The following AIG1 variants were observed in gnomAD, a reference collection of about 807,000 sequenced individuals.
The protein encoded by AIG1 is androgen-induced gene 1 protein.
In AIG1, 23 loss-of-function variants were observed where a neutral mutation model predicts 31.4. The ratio of observed to expected loss-of-function variants is 0.73; its 90% CI spans 0.53 to 1.04. The LOEUF is 1.04. Among genes scored for constraint, AIG1 ranks in the 50% least tolerant of loss-of-function variants. The pLI is 0.00. For missense variants in AIG1, 274 were observed against 295.0 expected (o/e 0.93, Z 0.52); for synonymous variants, 100 against 110.5 (o/e 0.90, Z 0.60).
At chr6:143,228,333 C>T (rs1416455858) in intron 3 of AIG1, among the ~76,000 whole-genome samples, 1 of 152,198 alleles carries the variant, frequency 6.6e-6, no homozygotes, top group Non-Finnish European at 1.5e-5. Flanking sequence ...AATGAAGCGC[C>T]CACCTCTGAC....
chr6:143,198,341 G>A (rs933869876), intron 3 of AIG1, among the ~76,000 whole-genome samples: 2 of 152,180 alleles, frequency 1.3e-5, no homozygotes, highest in East Asian at 3.8e-4. Context: ...TTTCCATGGC[G>A]TATGCTCAGT....
At chr6:143,137,053 A>G in intron 2 of AIG1, 63 bp downstream of exon 2, 1 of 1,311,558 alleles carries the variant, frequency 7.6e-7, no homozygotes, top group Non-Finnish European at 9.8e-7. Flanking sequence ...CAGACTTCTA[A>G]GAGAAAAAAA....
chr6:143,230,285 A>G (rs1000453957), intron 3 of AIG1, among the ~76,000 whole-genome samples: 3 of 151,952 alleles, frequency 2.0e-5, no homozygotes, highest in African/African-American at 7.2e-5. Flanking sequence ...ATGTGTTAGT[A>G]AAAATTTAAA....
intron 3 of AIG1, among the ~76,000 whole-genome samples, chr6:143,230,313 C>T (rs1793348314): frequency 6.6e-6 from 1 of 151,356 alleles, no homozygotes; most frequent in African/African-American, 2.4e-5. Context: ...TAAAGTAAAA[C>T]TATAACATGT....
At chr6:143,217,631 C>A (rs1209228817) in intron 3 of AIG1, among the ~76,000 whole-genome samples, 3 of 152,172 alleles carry the variant, frequency 2.0e-5, no homozygotes, top group African/African-American at 4.8e-5. Flanking sequence ...CCCTTAGCCT[C>A]CCAGGTAGCT....
At chr6:143,310,035 C>T (rs1775138307) in intron 4 of AIG1, among the ~76,000 whole-genome samples, 1 of 151,822 alleles carries the variant, frequency 6.6e-6, no homozygotes, top group African/African-American at 2.4e-5. Context: ...TAGGCATATC[C>T]ACTATTATAA....
intron 3 of AIG1, among the ~76,000 whole-genome samples, chr6:143,172,997 A>G (rs570393218): frequency 3.3e-5 from 5 of 150,828 alleles, no homozygotes; most frequent in South Asian, 2.1e-4. Context: ...CAATTTTTTT[A>G]TCTTTATAAA....
At chr6:143,082,488 C>A (rs1352197421) in intron 1 of AIG1, among the ~76,000 whole-genome samples, 1 of 152,180 alleles carries the variant, frequency 6.6e-6, no homozygotes, top group Non-Finnish European at 1.5e-5. Context: ...ACTGGTCCTT[C>A]AAGTAATAGA....
chr6:143,079,121 A>G (rs1028142306), intron 1 of AIG1, among the ~76,000 whole-genome samples: 2 of 152,038 alleles, frequency 1.3e-5, no homozygotes, highest in Non-Finnish European at 2.9e-5. Context: ...ACAAAACAAA[A>G]CGTATTTTCT....
chr6:143,165,125 A>G lies in AIG1; in HGVS notation c.341A>G (p.Glu114Gly). 2 of 1,613,606 alleles carry G rather than the reference A, an allele frequency of 1.2e-6. No individual in the cohort carries two copies. Among genetic ancestry groups the G allele is most frequent in the Non-Finnish European group, 1.7e-6 (2 of 1,179,632 alleles). Residue 114 changes from glutamate (E) to glycine (G), a missense_variant, in exon 3 of 6, where the codon GAG (glutamate) becomes GGG (glycine). Glu to Gly is a moderately conservative substitution (Grantham distance 98, BLOSUM62 -2). Transcript: ENST00000357847. ...VFWIIYAYDR[E>G]MIYPKLLDNF... Reference sequence around the variant, plus strand: ...TGGATCATTTATGCCTATGACAGAGAGATGATATACCCGAAGCTGCTGGAT... The same window carrying G: ...TGGATCATTTATGCCTATGACAGAGGGATGATATACCCGAAGCTGCTGGAT...
chr6:143,249,821 G>C (rs1386857769), intron 3 of AIG1, among the ~76,000 whole-genome samples: 2 of 152,134 alleles, frequency 1.3e-5, no homozygotes, highest in Non-Finnish European at 1.5e-5. Flanking sequence ...ATGTGATTGG[G>C]GTCACCAGTC....
intron 3 of AIG1, among the ~76,000 whole-genome samples, chr6:143,193,394 G>C (rs999863967): frequency 5.3e-5 from 8 of 152,216 alleles, no homozygotes; most frequent in African/African-American, 1.9e-4. Context: ...TCACCACCCT[G>C]AGCCTTTTAT....
Position 143,060,969 on chromosome 6 carries a change from T to C in AIG1, c.44T>C (p.Leu15Pro), listed in dbSNP as rs1415615890. ...PCQVLRMAIL[L>P]SYCSILCNYK... ...CAGGTGCTGCGGATGGCAATCCTGC[T>C]GTCTTACTGCTCTATCCTGTGTAAC... The change falls in exon 1 of 6, where the codon CTG becomes CCG. Residue 15 changes from leucine (L) to proline (P), a missense_variant. Coordinates refer to ENST00000357847, the MANE Select transcript of AIG1 (RefSeq NM_016108.4). 6 of 1,612,876 alleles carry C rather than the reference T, an allele frequency of 3.7e-6. No homozygotes were observed. Among genetic ancestry groups the C allele is most frequent in the Non-Finnish European group, 5.1e-6 (6 of 1,179,770 alleles).
intron 3 of AIG1, among the ~76,000 whole-genome samples, chr6:143,192,331 A>G (rs1242275271): frequency 6.6e-6 from 1 of 152,224 alleles, no homozygotes; most frequent in Non-Finnish European, 1.5e-5. Flanking sequence ...TAGGCCAGGC[A>G]TGGTGGCTCA....
intron 3 of AIG1, among the ~76,000 whole-genome samples, chr6:143,212,250 T>A (rs1303851940): frequency 1.3e-5 from 2 of 152,134 alleles, no homozygotes; most frequent in Non-Finnish European, 2.9e-5. Flanking sequence ...TGAAGACCAG[T>A]TTTAATTGCC....
intron 3 of AIG1, among the ~76,000 whole-genome samples, chr6:143,249,098 GTAA>G (rs1399316389): frequency 6.6e-6 from 1 of 152,194 alleles, no homozygotes; most frequent in African/African-American, 2.4e-5. Flanking sequence ...TTACCACAAA[GTAA>G]TTTGATTGTC....
intron 1 of AIG1, among the ~76,000 whole-genome samples, chr6:143,131,593 A>G (rs759909606): frequency 3.3e-5 from 5 of 152,216 alleles, no homozygotes; most frequent in East Asian, 3.8e-4. Flanking sequence ...GGGACCATGT[A>G]CAAGGACTGG....
intron 3 of AIG1, among the ~76,000 whole-genome samples, chr6:143,257,069 C>G (rs746479926): frequency 6.6e-6 from 1 of 152,194 alleles, no homozygotes; most frequent in Non-Finnish European, 1.5e-5. Flanking sequence ...TTATGGCTTT[C>G]CAGTGAATGG....
At position 143,340,888 on chromosome 6, in the gene AIG1, TGA is replaced by T. The variant is rs780515489; in HGVS notation, c.*1219_*1220del. Among the ~76,000 whole-genome samples, 13 of 152,160 alleles carry T rather than the reference TGA, an allele frequency of 8.5e-5. No individual in the cohort carries two copies. Among genetic ancestry groups the T allele is most frequent in the Non-Finnish European group, 1.5e-5 (1 of 68,022 alleles). ...AATATAAGTATTGATTGCCCAATGT[TGA>T]GAGAGATCAACAAATGATATAAAAC... On this transcript the variant is annotated 3_prime_UTR_variant, in exon 6 of 6. Coordinates refer to ENST00000357847, the MANE Select transcript of AIG1 (RefSeq NM_016108.4).
Sources: gnomAD v4.1 joint callset for allele counts (sites outside exome capture counted in the v4.1 genomes callset) on GRCh38, gnomAD v4.1.1 for gene constraint, MANE v1.5 for transcripts, NCBI Gene and HGNC (gene_info 2026-07-23, HGNC 2026-07-21) for gene names.